The following RNF213 variants were observed in gnomAD, a reference collection of about 807,000 sequenced individuals.
RNF213 encodes E3 ubiquitin-protein ligase RNF213.
RNF213 carries 341 observed loss-of-function variants against 514.4 expected under a neutral mutation model. The observed-to-expected ratio is 0.66, with a 90% CI of 0.61 to 0.73. The LOEUF is 0.73. Ranked by LOEUF, RNF213 falls within the 30% of genes least tolerant of loss-of-function variation. RNF213 has a pLI of 0.00. For missense variants in RNF213, 5,767 were observed against 6,615.6 expected, an observed-to-expected ratio of 0.87 and a Z score of 4.45; for synonymous variants, 2,655 against 2,658.2, an observed-to-expected ratio of 1.00 and a Z score of 0.04.
At chr17:80,312,873 C>G in intron 14 of RNF213, 139 bp from the exon 15 acceptor site, 1 of 904,202 alleles carries the variant, frequency 1.1e-6, no homozygotes. Flanking sequence ...GGGCTTCTGC[C>G]AAGGCCTGTG....
At chr17:80,349,052 G>A (rs1351753280) in intron 29 of RNF213, among the ~76,000 whole-genome samples, 3 of 152,150 alleles carry the variant, frequency 2.0e-5, no homozygotes, top group Non-Finnish European at 4.4e-5. Context: ...GGAACCGAGA[G>A]ATACTCAGGA....
At chr17:80,290,850 C>T (rs2044698319) in intron 7 of RNF213, 122 bp downstream of exon 7, 2 of 1,162,078 alleles carry the variant, frequency 1.7e-6, no homozygotes, top group East Asian at 2.6e-5. Context: ...TGCTGTGTCA[C>T]CCAGGCTGGA....
At chr17:80,356,876 T>C (rs925451321) in intron 36 of RNF213, among the ~76,000 whole-genome samples, 2 of 151,848 alleles carry the variant, frequency 1.3e-5, no homozygotes, top group African/African-American at 2.4e-5. Context: ...TTTATTCTCT[T>C]CAAAAGAGAG....
Position 80,345,698 on chromosome 17 carries a change from A to G in RNF213, c.7363A>G (p.Thr2455Ala). The G allele has an allele frequency of 6.2e-7, 1 of 1,614,264 alleles. No homozygotes were observed. The highest frequency in any genetic ancestry group is 8.5e-7 in the Non-Finnish European group (1 of 1,180,048). The change falls in exon 29 of 68, where the codon ACA becomes GCA. Residue 2455 changes from threonine (T) to alanine (A), a missense_variant. Around this residue, in one of 13 missense-constraint regions of RNF213, gnomAD observed 1,377 missense variants for 1,635.2 expected, o/e 0.84. Coordinates refer to ENST00000582970, the MANE Select transcript of RNF213 (RefSeq NM_001256071.3). The surrounding 1 kb of genome is among the most constrained non-coding windows in gnomAD (Gnocchi z 6.0). The stretch of plus-strand genomic sequence containing the variant: ...AAAGCTGGTCAAGGTGCACGGAGGA[A>G]CAACTGCAGACATGATCTACTCCAG... ...TIKLVKVHGGTTADMIYSRVR... is the reference protein window; with the variant it reads ...TIKLVKVHGGATADMIYSRVR...
chr17:80,388,542 C>A, intron 63 of RNF213, 70 bp from the exon 64 acceptor site: 1 of 1,066,068 alleles, frequency 9.4e-7, no homozygotes, highest in Non-Finnish European at 1.5e-6. Context: ...GCTGCAGATT[C>A]TGTTTGTCAT....
At chr17:80,337,507 G>A (rs115389637) in intron 23 of RNF213, 79 bp from the exon 24 acceptor site, 18 of 1,501,342 alleles carry the variant, frequency 1.2e-5, no homozygotes, top group African/African-American at 1.1e-4. Flanking sequence ...AGGCAGAGGC[G>A]GGAGGCCGAC....
At chr17:80,274,254 C>A (rs2043935438) in intron 3 of RNF213, among the ~76,000 whole-genome samples, 2 of 151,938 alleles carry the variant, frequency 1.3e-5, no homozygotes, top group Non-Finnish European at 2.9e-5. Context: ...CTTTTGGCTC[C>A]CTCTGGCCTT....
chr17:80,354,425 T>C lies in RNF213; in HGVS notation c.10727-16T>C. 1.2e-6 allele frequency: 2 copies of C among 1,614,206 alleles called. No individual in the cohort carries two copies. The highest frequency in any genetic ancestry group is 8.5e-7 in the Non-Finnish European group (1 of 1,180,036). ...AGCCACGGCCATGCTGAACGTCTGT[T>C]TCTGCCTTTGTACAGCCTCTTTCTT... On this transcript the variant is annotated splice_polypyrimidine_tract_variant and intron_variant, in intron 35 of 67. Coordinates refer to ENST00000582970, the MANE Select transcript of RNF213 (RefSeq NM_001256071.3).
chr17:80,393,869 C>CT lies in RNF213; in HGVS notation c.*382dup, dbSNP rs201824278. The CT allele has an allele frequency of 0.035, 7,376 of 211,224 alleles. No homozygotes were observed. The highest frequency in any genetic ancestry group is 0.08 in the South Asian group (1,154 of 14,464). 13.1% of individuals were successfully genotyped at this position (211,224 alleles called of 1,614,324 possible). On this transcript the variant is annotated 3_prime_UTR_variant, in exon 68 of 68. Coordinates refer to ENST00000582970, the MANE Select transcript of RNF213 (RefSeq NM_001256071.3). ...TTCGCCTCTGGCACTGCCCACCCCTCTTTTTTTTTTTCTTCTAATTCTGTA... is the reference window on the plus strand; with the variant it reads ...TTCGCCTCTGGCACTGCCCACCCCTCTTTTTTTTTTTTCTTCTAATTCTGTA...
rs1270069323 is a variant in RNF213 at position 80,264,115 on chromosome 17, G to A, written c.97+337G>A. On this transcript the variant is annotated intron_variant, in intron 2 of 67. Transcript: ENST00000582970. The surrounding 1 kb of genome is among the most constrained non-coding windows in gnomAD (Gnocchi z 5.0). ...AGAGGACAAAACAAGAAGTTTTGTC[G>A]GGGTCTTTGCTGGAGGTTCCTGCTT... Among the ~76,000 whole-genome samples the A allele has an allele frequency of 1.3e-5, 2 of 152,296 alleles. No individual in the cohort carries two copies. Among genetic ancestry groups the A allele is most frequent in the Middle Eastern group, 3.4e-3 (1 of 294 alleles).
At chr17:80,349,682 A>G (rs1443301333) in intron 29 of RNF213, 88 bp from the exon 30 acceptor site, 6 of 1,415,202 alleles carry the variant, frequency 4.2e-6, no homozygotes, top group Non-Finnish European at 6.0e-6. Context: ...TGAACATCGC[A>G]GGTTTCTAGG....
At chr17:80,290,262 C>T (rs998447286) in intron 6 of RNF213, among the ~76,000 whole-genome samples, 1 of 152,224 alleles carries the variant, frequency 6.6e-6, no homozygotes, top group Non-Finnish European at 1.5e-5. Context: ...TGATAATGTG[C>T]ATTACGAACA....
Position 80,346,603 on chromosome 17 carries a change from C to T in RNF213, c.8268C>T (p.Val2756=), listed in dbSNP as rs779290443. ...LALKENVFMM[V]VCIELKIPLF... Reference sequence around the variant, plus strand: ...TGAAGGAGAACGTCTTCATGATGGTCGTCTGCATCGAGCTGAAGATTCCCC... The same window carrying T: ...TGAAGGAGAACGTCTTCATGATGGTTGTCTGCATCGAGCTGAAGATTCCCC... The change falls in exon 29 of 68, where the codon GTC becomes GTT. Residue 2756 remains valine, a synonymous_variant. Transcript: ENST00000582970. The surrounding 1 kb of genome is among the most constrained non-coding windows in gnomAD (Gnocchi z 8.1). The T allele has an allele frequency of 8.1e-6, 13 of 1,613,092 alleles. No individual in the cohort carries two copies. Among genetic ancestry groups the T allele is most frequent in the Admixed American group, 1.7e-5 (1 of 59,996 alleles).
chr17:80,318,612 C>T (rs541433044), intron 16 of RNF213, among the ~76,000 whole-genome samples: 4 of 151,856 alleles, frequency 2.6e-5, no homozygotes, highest in South Asian at 2.1e-4. Flanking sequence ...CTCGCTCTAT[C>T]GCCCAGGCTG....
chr17:80,384,141 CA>C (rs1269381080), intron 59 of RNF213, among the ~76,000 whole-genome samples: 1 of 152,224 alleles, frequency 6.6e-6, no homozygotes, highest in Non-Finnish European at 1.5e-5. Context: ...AGACGAAATA[CA>C]CACCCACGTT....
At position 80,263,480 on chromosome 17, in the gene RNF213, C is replaced by T; in HGVS notation, c.-108-94C>T. ...AAAAGCTTGAGAGCCAAGGGGGCAG[C>T]ACAGAGCGGGGAGGGGCTGGGCTTG... On this transcript the variant is annotated intron_variant, in intron 1 of 67. Coordinates refer to ENST00000582970, the MANE Select transcript of RNF213 (RefSeq NM_001256071.3). The surrounding 1 kb of genome is among the most constrained non-coding windows in gnomAD (Gnocchi z 4.9). The T allele has an allele frequency of 1.6e-6, 1 of 617,448 alleles. No individual in the cohort carries two copies. The highest frequency in any genetic ancestry group is 3.0e-6 in the Non-Finnish European group (1 of 336,532). The allele number at this position is 617,448 out of a possible 1,614,324, so 38.2% of individuals were successfully genotyped here.
chr17:80,372,845 A>G, intron 48 of RNF213, 111 bp downstream of exon 48: 1 of 1,368,020 alleles, frequency 7.3e-7, no homozygotes, highest in Non-Finnish European at 1.0e-6. Flanking sequence ...GCTTTTCTAC[A>G]TCCCCTCTCC....
chr17:80,328,380 G>A lies in RNF213; in HGVS notation c.3420G>A (p.Leu1140=), dbSNP rs1195313077. ...AACAATGTGCTGTGGAGGAAGCACT[G>A]GATTGGAGAAGGGAGGAACTGTTAC... The part of the protein sequence containing the change: ...QDEQCAVEEA[L]DWRREELLLL... The change falls in exon 20 of 68, where the codon CTG becomes CTA. Residue 1140 remains leucine (L), a synonymous_variant. Coordinates refer to ENST00000582970, the MANE Select transcript of RNF213 (RefSeq NM_001256071.3). 6.5e-7 allele frequency: 1 copy of A among 1,537,164 alleles called. No homozygotes were observed. The highest frequency in any genetic ancestry group is 2.4e-5 in the East Asian group (1 of 40,904).
In RNF213 at chr17:80,373,303, T is replaced by TACCCCCACACCTCACCCTCAC. The variant is rs1450575790; in HGVS notation, c.12942+164_12942+184dup. On this transcript the variant is annotated intron_variant, in intron 49 of 67. Transcript: ENST00000582970. ...ACACCTTCCCCACCACATACCCTCA[T>TACCCCCACACCTCACCCTCAC]ACCCCCACACCTCACCCTCACACCC... 83 of 461,390 alleles carry TACCCCCACACCTCACCCTCAC rather than the reference T, an allele frequency of 1.8e-4. 1 individual carries two copies. The highest frequency in any genetic ancestry group is 2.4e-4 in the African/African-American group (9 of 36,950). 28.6% of individuals were successfully genotyped at this position (461,390 alleles called of 1,614,324 possible). A position where few individuals can be genotyped will look rare whatever the true frequency, so the allele number is the denominator to read the frequency against.
Sources: gnomAD v4.1 joint callset for allele counts (sites outside exome capture counted in the v4.1 genomes callset) on GRCh38, gnomAD v4.1.1 for gene constraint, gnomAD v4.1.1 regional missense constraint, Gnocchi (gnomAD v3.1) non-coding constraint, MANE v1.5 for transcripts, NCBI Gene and HGNC (gene_info 2026-07-23, HGNC 2026-07-21) for gene names.